The following LPIN1 variants were observed in gnomAD, a reference collection of about 807,000 sequenced individuals.
LPIN1 encodes the protein phosphatidate phosphatase LPIN1.
In LPIN1, 71 loss-of-function variants were observed where a neutral mutation model predicts 107.5. The observed-to-expected ratio is 0.66, with a 90% CI of 0.55 to 0.80. The LOEUF is 0.80. Among genes scored for constraint, LPIN1 ranks in the 30% least tolerant of loss-of-function variants. The pLI is 0.00. For missense variants in LPIN1, 1,043 were observed against 1,160.6 expected, an observed-to-expected ratio of 0.90 and a Z score of 1.47; for synonymous variants, 445 against 452.6, an observed-to-expected ratio of 0.98 and a Z score of 0.21.
Position 11,788,388 on chromosome 2 carries a change from T to C in LPIN1, c.1645T>C (p.Tyr549His). ...ATATATTTCATTGTTTTGTGTTAGA[T>C]ATTATAACTGGACAACAGCAGCACC... ...PNLVVKIGSK[Y>H]YNWTTAAPLL... The change falls in exon 12 of 21, where the codon TAT becomes CAT. Residue 549 changes from tyrosine to histidine, a missense_variant and splice_region_variant. Coordinates refer to ENST00000674199, the MANE Select transcript of LPIN1 (RefSeq NM_001349206.2). 1 of 1,611,976 alleles carries C rather than the reference T, an allele frequency of 6.2e-7. No individual in the cohort carries two copies. Among genetic ancestry groups the C allele is most frequent in the Non-Finnish European group, 8.5e-7 (1 of 1,178,078 alleles).
intron 1 of LPIN1, among the ~76,000 whole-genome samples, chr2:11,701,237 A>G (rs946601246): frequency 2.0e-5 from 3 of 152,094 alleles, no homozygotes; most frequent in Admixed American, 6.5e-5. Flanking sequence ...TTGTGCCTGC[A>G]TGCAGCACGC....
intron 1 of LPIN1, among the ~76,000 whole-genome samples, chr2:11,685,172 C>T (rs1469877315): frequency 3.9e-5 from 6 of 152,124 alleles, no homozygotes; most frequent in African/African-American, 1.4e-4. Context: ...GAGGAGTGAG[C>T]GGAGGCCTCA....
Position 11,771,503 on chromosome 2 carries a change from C to T in LPIN1, c.420C>T (p.Ile140=), listed in dbSNP as rs75945731. Residue 140 remains isoleucine (I), a synonymous_variant, in exon 4 of 21, where the codon ATC becomes ATT. Coordinates refer to ENST00000674199, the MANE Select transcript of LPIN1 (RefSeq NM_001349206.2). The surrounding 1 kb of genome is among the most constrained non-coding windows in gnomAD (Gnocchi z 4.8). ...GLDPSTPAQV[I]APSETPSSSS... is the part of the protein sequence containing the mutation. ...ACCCCAGCACGCCAGCCCAAGTGATCGCTCCCAGCGAGACGCCGTCAAGCA... is the reference window on the plus strand; with the variant it reads ...ACCCCAGCACGCCAGCCCAAGTGATTGCTCCCAGCGAGACGCCGTCAAGCA... 3,050 of 1,614,096 alleles carry T rather than the reference C, an allele frequency of 1.9e-3. 43 individuals are homozygous for T. The African/African-American group carries it at 0.036, about 19-fold the overall frequency.
rs575951893 is a variant in LPIN1, at chr2:11,759,669, A to C, written c.-9-5864A>C. On this transcript the variant is annotated intron_variant, in intron 1 of 20. Transcript: ENST00000674199. ...ATTCGACAAAACCGCCATTGTCATC[A>C]TGGCCCGTTCTCAATGAGCTGTTGG... Among the ~76,000 whole-genome samples, 120 of 152,334 alleles carry C rather than the reference A, an allele frequency of 7.9e-4. 1 individual carries two copies. Among genetic ancestry groups the C allele is most frequent in the African/African-American group, 2.8e-3 (116 of 41,578 alleles).
Position 11,776,171 on chromosome 2 carries a change from T to G in LPIN1, c.808T>G (p.Ser270Ala), listed in dbSNP as rs1672655598. ...GTCTAGTTCTTGCCCTCCACAGTCT[T>G]CCCTGTTCCATCCTTCGGAAAGGTA... ...GLSSSCPPQS[S>A]LFHPSESPSG... is the part of the protein sequence containing the mutation. The change falls in exon 6 of 21, where the codon TCC (serine) becomes GCC (alanine). Residue 270 changes from serine to alanine, a missense_variant. By Grantham distance (99) the Ser-to-Ala change is moderately conservative (BLOSUM62 1). Coordinates refer to ENST00000674199, the MANE Select transcript of LPIN1 (RefSeq NM_001349206.2). The G allele has an allele frequency of 2.6e-6, 4 of 1,543,114 alleles. No homozygotes were observed. Among genetic ancestry groups the G allele is most frequent in the Non-Finnish European group, 3.5e-6 (4 of 1,141,734 alleles).
chr2:11,755,942 C>T lies in LPIN1; in HGVS notation c.-10+9271C>T, dbSNP rs553606546. Among the ~76,000 whole-genome samples, 453 of 152,208 alleles carry T rather than the reference C, an allele frequency of 3.0e-3. 4 individuals carry two copies. The highest frequency in any genetic ancestry group is 0.011 in the African/African-American group (442 of 41,528). On this transcript the variant is annotated intron_variant, in intron 1 of 20. Coordinates refer to ENST00000674199, the MANE Select transcript of LPIN1 (RefSeq NM_001349206.2). ...TTCACCGTGTTAGCCAGGATGATCTCGGTCTCCTGACCTCATGATCTGCCC... is the reference window on the plus strand; with the variant it reads ...TTCACCGTGTTAGCCAGGATGATCTTGGTCTCCTGACCTCATGATCTGCCC...
intron 1 of LPIN1, among the ~76,000 whole-genome samples, chr2:11,763,578 G>A (rs1002733088): frequency 1.3e-5 from 2 of 152,038 alleles, no homozygotes; most frequent in African/African-American, 4.8e-5. Context: ...TCTTCCTGCC[G>A]TCAGGTTTTT....
At chr2:11,769,318 G>A (rs576217859) in intron 3 of LPIN1, among the ~76,000 whole-genome samples, 54 of 152,218 alleles carry the variant, frequency 3.5e-4, no homozygotes, top group African/African-American at 1.2e-3. Context: ...AATAACCAGC[G>A]GTATCTGACA....
intron 1 of LPIN1, among the ~76,000 whole-genome samples, chr2:11,734,770 T>C (rs1665615338): frequency 6.6e-6 from 1 of 152,132 alleles, no homozygotes. Flanking sequence ...ATTTACAACA[T>C]CTCAAAGGGA....
rs757007907 is a variant in LPIN1 at position 11,779,616 on chromosome 2, C to G, written c.928C>G (p.Leu310Val). The G allele has an allele frequency of 2.6e-5, 42 of 1,614,010 alleles. No homozygotes were observed. Among genetic ancestry groups the G allele is most frequent in the Non-Finnish European group, 3.3e-5 (39 of 1,180,000 alleles). Reference sequence around the variant, plus strand: ...GCAGAAGAACCCAGAAATGCTTTGGCTGTGGGGAGAGCTGCCGCAGGCTGC... The same window carrying G: ...GCAGAAGAACCCAGAAATGCTTTGGGTGTGGGGAGAGCTGCCGCAGGCTGC... Reference protein sequence around the residue: ...TGQKNPEMLWLWGELPQAAKS... With the variant: ...TGQKNPEMLWVWGELPQAAKS... Residue 310 changes from leucine to valine, a missense_variant, in exon 7 of 21, where the codon CTG (leucine) becomes GTG (valine). Leu to Val is a conservative substitution (Grantham distance 32, BLOSUM62 1). Transcript: ENST00000674199.
chr2:11,791,259 C>T (rs1675674441), intron 12 of LPIN1, among the ~76,000 whole-genome samples: 1 of 152,160 alleles, frequency 6.6e-6, no homozygotes, highest in African/African-American at 2.4e-5. Context: ...GAGGAAGGGA[C>T]ATTACCTAAC....
At chr2:11,753,934 C>T (rs114935785) in intron 1 of LPIN1, among the ~76,000 whole-genome samples, 2,376 of 152,126 alleles carry the variant, frequency 0.016, 24 homozygotes, top group Non-Finnish European at 0.027. Flanking sequence ...CCAGTAACAG[C>T]GTGATGTTTG....
chr2:11,703,397 CT>C (rs1662979259), intron 1 of LPIN1, among the ~76,000 whole-genome samples: 1 of 152,070 alleles, frequency 6.6e-6, no homozygotes, highest in Non-Finnish European at 1.5e-5. Flanking sequence ...GACGCAACTG[CT>C]CTGAGAGCCC....
rs1213873916 is a variant in LPIN1 at position 11,787,282 on chromosome 2, A to G, written c.1643+115A>G. ...ATATATAAAATAAAGACTTTGCTAC[A>G]TTGCATTATTGCATTATCTTCACTG... On this transcript the variant is annotated intron_variant, in intron 11 of 20. Coordinates refer to ENST00000674199, the MANE Select transcript of LPIN1 (RefSeq NM_001349206.2). 4 of 737,716 alleles carry G rather than the reference A, an allele frequency of 5.4e-6. No individual in the cohort carries two copies. The African/African-American group carries it at 7.0e-5, about 13-fold the overall frequency. 45.7% of individuals were successfully genotyped at this position (737,716 alleles called of 1,614,324 possible). A position where few individuals can be genotyped will look rare whatever the true frequency, so the allele number is the denominator to read the frequency against.
At chr2:11,736,716 C>T (rs966734952) in intron 1 of LPIN1, among the ~76,000 whole-genome samples, 1 of 152,192 alleles carries the variant, frequency 6.6e-6, no homozygotes, top group East Asian at 1.9e-4. Flanking sequence ...TAGAAATATC[C>T]ATTGCAGTCA....
At chr2:11,731,828 GA>G (rs1453539297) in intron 1 of LPIN1, among the ~76,000 whole-genome samples, 2 of 91,158 alleles carry the variant, frequency 2.2e-5, no homozygotes, top group African/African-American at 1.5e-4. Context: ...CAGTGATGAT[GA>G]GTTTTTTTTT....
In LPIN1 at chr2:11,793,674, C is replaced by T. The variant is rs574659403; in HGVS notation, c.1806+1668C>T. 4.6e-5 allele frequency among the ~76,000 whole-genome samples: 7 copies of T among 152,320 alleles called. No homozygotes were observed. In the South Asian group the frequency reaches 8.3e-4, roughly 18 times the overall value. On this transcript the variant is annotated intron_variant, in intron 13 of 20. Coordinates refer to ENST00000674199, the MANE Select transcript of LPIN1 (RefSeq NM_001349206.2). ...TTCTGTGGACCCCTCTCCCCTGCTTCGCTTAGCTAACTAGCAGATCCAGTA... is the reference window on the plus strand; with the variant it reads ...TTCTGTGGACCCCTCTCCCCTGCTTTGCTTAGCTAACTAGCAGATCCAGTA...
rs1682481448 is a variant in LPIN1, at chr2:11,827,329, G to GT, written c.*2539dup. 1 of 152,162 alleles carries GT rather than the reference G, an allele frequency of 6.6e-6. No individual in the cohort carries two copies. The highest frequency in any genetic ancestry group is 2.1e-4 in the South Asian group (1 of 4,824). The allele number at this position is 152,162 out of a possible 1,614,324, so 9.4% of individuals were successfully genotyped here. A position where few individuals can be genotyped will look rare whatever the true frequency, so the allele number is the denominator to read the frequency against. On this transcript the variant is annotated 3_prime_UTR_variant, in exon 21 of 21. Transcript: ENST00000674199. This position sits in a 1 kb window ranked among gnomAD's most constrained non-coding sequence, Gnocchi z 4.1. ...TGCTGATGCAATGATAAAAATCACTGTAATACTTCATTGTGTTGTACTGGA... is the reference window on the plus strand; with the variant it reads ...TGCTGATGCAATGATAAAAATCACTGTTAATACTTCATTGTGTTGTACTGGA...
At chr2:11,740,431 C>T (rs62113303) in intron 1 of LPIN1, among the ~76,000 whole-genome samples, 7 of 151,832 alleles carry the variant, frequency 4.6e-5, no homozygotes, top group Non-Finnish European at 7.4e-5. Flanking sequence ...ATAACTTCCC[C>T]GCACTTTGCG....
Sources: gnomAD v4.1 joint callset for allele counts (sites outside exome capture counted in the v4.1 genomes callset) on GRCh38, gnomAD v4.1.1 for gene constraint, Gnocchi (gnomAD v3.1) non-coding constraint, MANE v1.5 for transcripts, NCBI Gene and HGNC (gene_info 2026-07-23, HGNC 2026-07-21) for gene names.